Variants in LMLN observed in about 807,000 individuals in gnomAD.
LMLN encodes leishmanolysin like peptidase, also known as leishmanolysin-like peptidase.
In LMLN, 70 loss-of-function variants were observed where a neutral mutation model predicts 92.3. That is an observed-to-expected ratio of 0.76 (90% CI 0.63 to 0.92). The LOEUF is 0.92. Among genes scored for constraint, LMLN ranks in the 40% least tolerant of loss-of-function variants. The pLI, the probability that LMLN is intolerant of heterozygous loss-of-function variation, is 0.00. For missense variants in LMLN, 691 were observed against 814.6 expected (o/e 0.85, Z 1.85); for synonymous variants, 308 against 296.2 (o/e 1.04, Z -0.41).
At chr3:197,974,238 G>A (rs1721305957) in intron 1 of LMLN, 139 bp from the exon 2 acceptor site, 3 of 597,544 alleles carry the variant, frequency 5.0e-6, no homozygotes, top group Non-Finnish European at 8.8e-6. Flanking sequence ...GTTCAAGAAT[G>A]CTGACACAGT....
At chr3:197,990,819 C>A in intron 9 of LMLN, 143 bp downstream of exon 9, 1 of 526,118 alleles carries the variant, frequency 1.9e-6, no homozygotes. Context: ...TGCAATGAAG[C>A]TACGGGCCAC....
intron 14 of LMLN, among the ~76,000 whole-genome samples, 175 bp downstream of exon 15, chr3:198,024,963 T>C (rs1164003887): frequency 2.6e-5 from 4 of 152,252 alleles, no homozygotes; most frequent in African/African-American, 9.6e-5. Flanking sequence ...ATATTGTCAT[T>C]TCTTTAGAAA....
intron 5 of LMLN, among the ~76,000 whole-genome samples, chr3:197,978,090 G>GCA (rs1346478434): frequency 1.3e-5 from 2 of 150,738 alleles, no homozygotes; most frequent in Admixed American, 6.6e-5. Context: ...CAATCTGGAA[G>GCA]CACACACACG....
intron 1 of LMLN, among the ~76,000 whole-genome samples, chr3:197,960,822 G>C (rs1720847841): frequency 6.6e-6 from 1 of 152,162 alleles, no homozygotes; most frequent in South Asian, 2.1e-4. Context: ...CAGCTGGTTG[G>C]TGAGATATGC....
chr3:197,985,879 T>G lies in LMLN; in HGVS notation c.918T>G (p.Pro306=), dbSNP rs1250217927. Residue 306 remains proline, a synonymous_variant, in exon 8 of 16, where the codon CCT becomes CCG. Transcript: ENST00000330198. ...CAAGATTTGCAGATGGCCTCCCACC[T>G]TTTAATTATAGGTATTTTTGTTGTT... 4.4e-6 allele frequency: 7 copies of G among 1,600,448 alleles called. No homozygotes were observed. The African/African-American group carries it at 9.4e-5, about 21-fold the overall frequency.
exon 16 of LMLN, chr3:198,039,312 A>G (rs1048832018): frequency 6.5e-6 from 1 of 153,310 alleles, no homozygotes; most frequent in Non-Finnish European, 1.5e-5. Context: ...AAAGTTCATC[A>G]TCCATATACT....
rs1359423878 is a variant in LMLN at position 197,980,523 on chromosome 3, C to T, written c.728+19C>T. Reference sequence around the variant, plus strand: ...TGGACAGGTAATCTTTCCTCCGGGACTTAGTTTCCAAGATCTAATGTGGGA... The same window carrying T: ...TGGACAGGTAATCTTTCCTCCGGGATTTAGTTTCCAAGATCTAATGTGGGA... On this transcript the variant is annotated intron_variant, in intron 6 of 15. Coordinates refer to ENST00000330198, the Ensembl canonical transcript of LMLN. 1 of 1,603,300 alleles carries T rather than the reference C, an allele frequency of 6.2e-7. No individual in the cohort carries two copies. The highest frequency in any genetic ancestry group is 1.3e-5 in the African/African-American group (1 of 74,414).
At chr3:198,003,022 A>AAAG in intron 11 of LMLN, 1 of 1,547,220 alleles carries the variant, frequency 6.5e-7, no homozygotes, top group Non-Finnish European at 8.7e-7. Context: ...CAGCTGGTAT[A>AAAG]AAGCAAATTA....
In LMLN at chr3:198,038,382, A is replaced by G. The variant is rs1723293897; in HGVS notation, c.1868-185A>G. Reference sequence around the variant, plus strand: ...GGATACATCATTTCTTCCTCCATATATATTTTTCCTCCATTAAAAAAGAAA... The same window carrying G: ...GGATACATCATTTCTTCCTCCATATGTATTTTTCCTCCATTAAAAAAGAAA... On this transcript the variant is annotated intron_variant, in intron 15 of 15. Coordinates refer to ENST00000330198, the Ensembl canonical transcript of LMLN. 32 of 540,402 alleles carry G rather than the reference A, an allele frequency of 5.9e-5. 3 individuals carry two copies. In the South Asian group the frequency reaches 7.1e-4, roughly 12 times the overall value. The allele number at this position is 540,402 out of a possible 1,614,324, so 33.5% of individuals were successfully genotyped here. A position where few individuals can be genotyped will look rare whatever the true frequency, so the allele number is the denominator to read the frequency against.
intron 1 of LMLN, among the ~76,000 whole-genome samples, chr3:197,964,472 C>G (rs1312711180): frequency 6.6e-6 from 1 of 150,904 alleles, no homozygotes; most frequent in African/African-American, 2.4e-5. Context: ...GCAATCTCAG[C>G]AGAGCAACCT....
At chr3:198,022,953 T>C (rs560898889) in intron 13 of LMLN, among the ~76,000 whole-genome samples, 2 of 152,332 alleles carry the variant, frequency 1.3e-5, no homozygotes, top group African/African-American at 2.4e-5. Flanking sequence ...CTGTCAGTTA[T>C]GGATTTGCCA....
intron 11 of LMLN, among the ~76,000 whole-genome samples, chr3:198,018,651 CT>C (rs889008638): frequency 2.6e-5 from 4 of 151,888 alleles, no homozygotes; most frequent in Non-Finnish European, 5.9e-5. Context: ...TTAATACAGG[CT>C]TTTTTTTCCT....
chr3:197,973,871 A>G (rs371111766), intron 1 of LMLN, among the ~76,000 whole-genome samples: 2 of 152,230 alleles, frequency 1.3e-5, no homozygotes, highest in Non-Finnish European at 2.9e-5. Context: ...TTGTACATCA[A>G]GAGTTTCCTA....
intron 1 of LMLN, among the ~76,000 whole-genome samples, chr3:197,967,772 A>G (rs375009828): frequency 1.3e-5 from 2 of 152,296 alleles, no homozygotes; most frequent in African/African-American, 4.8e-5. Context: ...CCTTATCTCA[A>G]CCACATAAGA....
chr3:198,029,220 G>T (rs1203859287), intron 14 of LMLN, among the ~76,000 whole-genome samples: 1 of 152,010 alleles, frequency 6.6e-6, no homozygotes, highest in Non-Finnish European at 1.5e-5. Context: ...TTTATTTTAG[G>T]TTTACCTTCA....
At chr3:197,976,889 G>A (rs1223983525) in intron 5 of LMLN, among the ~76,000 whole-genome samples, 174 bp downstream of exon 5, 1 of 152,146 alleles carries the variant, frequency 6.6e-6, no homozygotes, top group African/African-American at 2.4e-5. Context: ...TGAGTTTAAT[G>A]GTATTTTCTT....
chr3:197,997,288 C>A (rs1416440859), intron 10 of LMLN, among the ~76,000 whole-genome samples: 2 of 152,130 alleles, frequency 1.3e-5, no homozygotes, highest in Non-Finnish European at 2.9e-5. Flanking sequence ...TGCCACCACA[C>A]CCAGCTAATT....
chr3:197,960,606 C>G (rs1470894828), intron 1 of LMLN, among the ~76,000 whole-genome samples, 166 bp downstream of exon 1: 5 of 152,122 alleles, frequency 3.3e-5, no homozygotes, highest in Non-Finnish European at 7.4e-5. Context: ...CTACACCCTG[C>G]AAGTTGGCTG....
chr3:198,003,040 G>C, intron 11 of LMLN: 1 of 1,551,120 alleles, frequency 6.4e-7, no homozygotes, highest in Non-Finnish European at 8.7e-7. Flanking sequence ...TTACAGCATG[G>C]CTGAGAAGTT....
Sources: gnomAD v4.1 joint callset for allele counts (sites outside exome capture counted in the v4.1 genomes callset) on GRCh38, gnomAD v4.1.1 for gene constraint, MANE v1.5 for transcripts, NCBI Gene and HGNC (gene_info 2026-07-23, HGNC 2026-07-21) for gene names.